The following PRPSAP1 variants were observed in gnomAD, a reference collection of about 807,000 sequenced individuals.
The protein encoded by PRPSAP1 is phosphoribosyl pyrophosphate synthetase associated protein 1, also known as phosphoribosyl pyrophosphate synthase-associated protein 1.
A neutral mutation model predicts 39.4 loss-of-function variants in PRPSAP1; 31 were observed. The ratio of observed to expected loss-of-function variants is 0.79; its 90% CI spans 0.59 to 1.06. The LOEUF (loss-of-function observed/expected upper bound fraction) is 1.06. PRPSAP1 is among the 50% of genes least tolerant of loss of function. The pLI, the probability that PRPSAP1 is intolerant of heterozygous loss-of-function variation, is 0.00. For synonymous variants in PRPSAP1, 212 were observed against 192.6 expected (o/e 1.10, Z -0.83); for missense variants, 430 against 511.6 (o/e 0.84, Z 1.54).
chr17:76,340,325 A>T (rs1225789264), intron 3 of PRPSAP1, among the ~76,000 whole-genome samples: 1 of 151,672 alleles, frequency 6.6e-6, no homozygotes, highest in Non-Finnish European at 1.5e-5. Flanking sequence ...AAGTGAGAAA[A>T]ACGGTAAGTG....
intron 4 of PRPSAP1, among the ~76,000 whole-genome samples, chr17:76,331,095 A>G (rs1490030518): frequency 6.6e-6 from 1 of 152,204 alleles, no homozygotes; most frequent in Admixed American, 6.5e-5. Context: ...ATTAGAAGAA[A>G]AGAAACTCAT....
In PRPSAP1 at chr17:76,344,649, ATAAAG is replaced by A. The variant is rs200719397; in HGVS notation, c.290+17_290+21del. On this transcript the variant is annotated intron_variant, in intron 3 of 9. Coordinates refer to ENST00000446526, the MANE Select transcript of PRPSAP1 (RefSeq NM_002766.3). ...TTGTTAAGGTTTTTACAGAAAAGAGATAAAGTAGTCAGTCCTCTTACCTGGGTATT... is the reference window on the plus strand; with the variant it reads ...TTGTTAAGGTTTTTACAGAAAAGAGATAGTCAGTCCTCTTACCTGGGTATT... 3.2e-3 allele frequency: 4,720 copies of A among 1,489,000 alleles called. 116 individuals carry two copies. In the African/African-American group the frequency reaches 0.053, roughly 17 times the overall value. 92.2% of individuals were successfully genotyped at this position (1,489,000 alleles called of 1,614,324 possible).
intron 7 of PRPSAP1, among the ~76,000 whole-genome samples, chr17:76,327,925 T>C (rs1032622544): frequency 1.3e-5 from 2 of 152,086 alleles, no homozygotes; most frequent in South Asian, 4.1e-4. Context: ...TGTAATCTTA[T>C]GTAATCTCGG....
At chr17:76,317,187 T>C (rs1363656041) in intron 7 of PRPSAP1, among the ~76,000 whole-genome samples, 1 of 152,116 alleles carries the variant, frequency 6.6e-6, no homozygotes, top group African/African-American at 2.4e-5. Flanking sequence ...CCTTCTCTAC[T>C]AAAAATATAA....
chr17:76,334,280 A>C (rs1421180563), intron 3 of PRPSAP1, among the ~76,000 whole-genome samples: 1 of 152,194 alleles, frequency 6.6e-6, no homozygotes, highest in African/African-American at 2.4e-5. Flanking sequence ...GTTCTTGAAC[A>C]ATTATCAGCT....
At chr17:76,351,158 A>T (rs2071564855) in intron 1 of PRPSAP1, among the ~76,000 whole-genome samples, 1 of 152,034 alleles carries the variant, frequency 6.6e-6, no homozygotes, top group Admixed American at 6.6e-5. Context: ...AGATCGTCTG[A>T]GGTCAGGAGT....
chr17:76,353,762 C>T lies in PRPSAP1; in HGVS notation c.-59G>A. 7.2e-7 allele frequency: 1 copy of T among 1,396,750 alleles called. No homozygotes were observed. Among genetic ancestry groups the T allele is most frequent in the Non-Finnish European group, 9.2e-7 (1 of 1,084,042 alleles). 86.5% of individuals were successfully genotyped at this position (1,396,750 alleles called of 1,614,324 possible). A position where few individuals can be genotyped will look rare whatever the true frequency, so the allele number is the denominator to read the frequency against. ...GCGCGGGGCTGCACTCTGAGTGCTT[C>T]CGACTGCGAGACCCCGGTTTGGGTG... On this transcript the variant is annotated 5_prime_UTR_variant, in exon 1 of 10. Transcript: ENST00000446526.
At chr17:76,353,458 G>C (rs1473930607) in intron 1 of PRPSAP1, 76 bp downstream of exon 1, 19 of 1,351,634 alleles carry the variant, frequency 1.4e-5, no homozygotes, top group Non-Finnish European at 1.8e-5. Flanking sequence ...GCGGGTGGAG[G>C]GGAGCGGGTC....
chr17:76,345,149 G>C (rs1343756014), intron 2 of PRPSAP1, among the ~76,000 whole-genome samples: 1 of 146,764 alleles, frequency 6.8e-6, no homozygotes, highest in African/African-American at 2.5e-5. Context: ...GCAGGAGAAT[G>C]GCGTGAACCT....
At chr17:76,354,027 G>A (rs1419987691), upstream of PRPSAP1, 8 of 1,136,396 alleles carry the variant, frequency 7.0e-6, no homozygotes, top group Non-Finnish European at 8.6e-6. Context: ...CTGTTCTTCC[G>A]AGGGGCATGT....
intron 3 of PRPSAP1, among the ~76,000 whole-genome samples, chr17:76,336,184 C>T (rs898144684): frequency 3.3e-5 from 5 of 152,152 alleles, no homozygotes; most frequent in Admixed American, 1.3e-4. Flanking sequence ...CGGTGGCTCA[C>T]GCCAGTAATC....
At chr17:76,335,018 AG>A (rs2143511360) in intron 3 of PRPSAP1, among the ~76,000 whole-genome samples, 1 of 152,348 alleles carries the variant, frequency 6.6e-6, no homozygotes, top group South Asian at 2.1e-4. Context: ...ACCACTCTCG[AG>A]GTACTCATTC....
At chr17:76,325,821 C>A (rs543020573) in intron 7 of PRPSAP1, among the ~76,000 whole-genome samples, 1 of 152,004 alleles carries the variant, frequency 6.6e-6, no homozygotes, top group Non-Finnish European at 1.5e-5. Flanking sequence ...TTAGTCAGGA[C>A]GGTCTCGATC....
At chr17:76,354,010 T>C, upstream of PRPSAP1, 3 of 1,188,040 alleles carry the variant, frequency 2.5e-6, no homozygotes, top group Non-Finnish European at 3.1e-6. Context: ...GGCGACTCTC[T>C]AAAAGCCTGT....
chr17:76,349,455 G>A (rs1314296352), intron 1 of PRPSAP1, among the ~76,000 whole-genome samples: 1 of 151,882 alleles, frequency 6.6e-6, no homozygotes, highest in Non-Finnish European at 1.5e-5. Flanking sequence ...TATGATGTAA[G>A]ATAATCTATT....
chr17:76,347,829 G>A (rs1415926483), intron 2 of PRPSAP1, among the ~76,000 whole-genome samples: 3 of 152,058 alleles, frequency 2.0e-5, no homozygotes, highest in Non-Finnish European at 4.4e-5. Flanking sequence ...CAGAGGTTGT[G>A]AGAAAGGGTC....
At chr17:76,328,384 G>A (rs900866987) in intron 7 of PRPSAP1, among the ~76,000 whole-genome samples, 3 of 152,196 alleles carry the variant, frequency 2.0e-5, no homozygotes, top group Admixed American at 6.5e-5. Context: ...CAGGTCTGGA[G>A]CAGATCACGA....
At position 76,347,261 on chromosome 17, in the gene PRPSAP1, T is replaced by C. The variant is rs1323304846; in HGVS notation, c.223+1268A>G. On this transcript the variant is annotated intron_variant, in intron 2 of 9. Coordinates refer to ENST00000446526, the MANE Select transcript of PRPSAP1 (RefSeq NM_002766.3). ...CAACACTTTGGGAGGCCAAGACGGG[T>C]GGATCACCTGAGGTCAGGAGTTCAA... 6.0e-5 allele frequency among the ~76,000 whole-genome samples: 9 copies of C among 150,806 alleles called. No individual in the cohort carries two copies. The Admixed American group carries it at 6.0e-4, about 10-fold the overall frequency.
At chr17:76,344,850 AG>A in intron 2 of PRPSAP1, 113 bp from the exon 3 acceptor site, 1 of 705,406 alleles carries the variant, frequency 1.4e-6, no homozygotes, top group Non-Finnish European at 2.4e-6. Context: ...CTGTAATCCT[AG>A]CACTTTAGGA....
Sources: gnomAD v4.1 joint callset for allele counts (sites outside exome capture counted in the v4.1 genomes callset) on GRCh38, gnomAD v4.1.1 for gene constraint, MANE v1.5 for transcripts, NCBI Gene and HGNC (gene_info 2026-07-23, HGNC 2026-07-21) for gene names.